PRKN: variants seen among roughly 807,000 people sequenced by gnomAD.
PRKN encodes parkin RBR E3 ubiquitin protein ligase.
In PRKN, 56 loss-of-function variants were observed where a neutral mutation model predicts 59.5. The ratio of observed to expected loss-of-function variants is 0.94; its 90% CI spans 0.76 to 1.18. The LOEUF is 1.18. PRKN is among the 50% of genes most tolerant of loss of function. The pLI is 0.00. For synonymous variants in PRKN, 250 were observed against 222.1 expected (o/e 1.13, Z -1.12); for missense variants, 657 against 596.4 (o/e 1.10, Z -1.06).
At chr6:161,679,675 C>CA (rs1785230770) in intron 7 of PRKN, among the ~76,000 whole-genome samples, 1 of 24,284 alleles carries the variant, frequency 4.1e-5, no homozygotes. Context: ...AATAGAACCA[C>CA]CCCCCCCCCT....
At chr6:162,236,552 G>A (rs371624996) in intron 3 of PRKN, among the ~76,000 whole-genome samples, 12 of 152,042 alleles carry the variant, frequency 7.9e-5, no homozygotes, top group African/African-American at 2.2e-4. Context: ...TTGGGAGGCC[G>A]AGATGGGCCG....
intron 6 of PRKN, among the ~76,000 whole-genome samples, chr6:161,912,420 C>G (rs561569881): frequency 1.2e-4 from 18 of 151,854 alleles, no homozygotes; most frequent in African/African-American, 3.4e-4. Context: ...TGTACCCCCC[C>G]ACCCTCGTGA....
At chr6:161,614,827 T>C (rs1436781637) in intron 7 of PRKN, among the ~76,000 whole-genome samples, 1 of 152,218 alleles carries the variant, frequency 6.6e-6, no homozygotes, top group Non-Finnish European at 1.5e-5. Context: ...TTAATCAATC[T>C]TGAAATGTCA....
At chr6:162,295,780 G>C (rs975949073) in intron 2 of PRKN, among the ~76,000 whole-genome samples, 1 of 152,110 alleles carries the variant, frequency 6.6e-6, no homozygotes, top group Non-Finnish European at 1.5e-5. Flanking sequence ...GCTTGCCCTT[G>C]GAGTTTATTT....
intron 3 of PRKN, among the ~76,000 whole-genome samples, chr6:162,231,461 C>T (rs559713891): frequency 1.4e-4 from 22 of 152,166 alleles, no homozygotes; most frequent in African/African-American, 4.6e-4. Flanking sequence ...TCCCTAACTC[C>T]CCAAAATCTC....
chr6:162,427,344 T>G (rs1789285033), intron 2 of PRKN, among the ~76,000 whole-genome samples: 1 of 152,198 alleles, frequency 6.6e-6, no homozygotes. Context: ...GTCTTATACC[T>G]GTGCACAAGA....
chr6:162,526,418 G>A (rs114226160), intron 1 of PRKN, among the ~76,000 whole-genome samples: 2,654 of 151,640 alleles, frequency 0.018, 95 homozygotes, highest in African/African-American at 0.061. Flanking sequence ...TTGGGAGGCC[G>A]AGGCGGGCAG....
chr6:162,292,066 C>T (rs1304582694), intron 2 of PRKN, among the ~76,000 whole-genome samples: 1 of 151,376 alleles, frequency 6.6e-6, no homozygotes, highest in African/African-American at 2.4e-5. Context: ...CACATTCAAG[C>T]GATTCTCCTG....
chr6:161,604,279 A>G (rs1205885204), intron 7 of PRKN, among the ~76,000 whole-genome samples: 1 of 152,224 alleles, frequency 6.6e-6, no homozygotes, highest in East Asian at 1.9e-4. Context: ...AGCACCTTCA[A>G]AACACAGAGA....
intron 2 of PRKN, among the ~76,000 whole-genome samples, chr6:162,274,267 A>C (rs746647385): frequency 6.6e-6 from 1 of 151,962 alleles, no homozygotes; most frequent in Non-Finnish European, 1.5e-5. Context: ...GGCTCATTGC[A>C]GTCTCGGCTT....
rs545719360 is a variant in PRKN, at chr6:162,672,737, T to C, written c.7+54925A>G. 3.3e-5 allele frequency among the ~76,000 whole-genome samples: 5 copies of C among 151,858 alleles called. No individual in the cohort carries two copies. The South Asian group carries it at 8.3e-4, about 25-fold the overall frequency. On this transcript the variant is annotated intron_variant, in intron 1 of 11. Coordinates refer to ENST00000366898, the MANE Select transcript of PRKN (RefSeq NM_004562.3). Reference sequence around the variant, plus strand: ...GTGTGTGTATGCATGTGTATAGATATACAGACACACATGAATAATCATGTG... The same window carrying C: ...GTGTGTGTATGCATGTGTATAGATACACAGACACACATGAATAATCATGTG...
intron 4 of PRKN, among the ~76,000 whole-genome samples, chr6:162,127,577 G>A (rs1014845141): frequency 4.6e-5 from 7 of 152,066 alleles, no homozygotes; most frequent in South Asian, 2.1e-4. Flanking sequence ...AAAGAGTTGC[G>A]GTGAAAAAAC....
Position 161,545,400 on chromosome 6 carries a change from C to G in PRKN, c.1083+3454G>C, listed in dbSNP as rs1296195606. 1 of 1,612,444 alleles carries G rather than the reference C, an allele frequency of 6.2e-7. No homozygotes were observed. Among genetic ancestry groups the G allele is most frequent in the East Asian group, 2.2e-5 (1 of 44,874 alleles). On this transcript the variant is annotated intron_variant, in intron 9 of 11. Coordinates refer to ENST00000366898, the MANE Select transcript of PRKN (RefSeq NM_004562.3). The surrounding 1 kb of genome is among the most constrained non-coding windows in gnomAD (Gnocchi z 4.1). ...GATGTATTGAATGAGGCACTCACTTCTCCCTGAGGCAGCTTATTTTGTTCT... is the reference window on the plus strand; with the variant it reads ...GATGTATTGAATGAGGCACTCACTTGTCCCTGAGGCAGCTTATTTTGTTCT...
In PRKN at chr6:161,546,029, G is replaced by A. The variant is rs760262512; in HGVS notation, c.1083+2825C>T. On this transcript the variant is annotated intron_variant, in intron 9 of 11. Coordinates refer to ENST00000366898, the MANE Select transcript of PRKN (RefSeq NM_004562.3). The surrounding 1 kb of genome is among the most constrained non-coding windows in gnomAD (Gnocchi z 4.4). The stretch of plus-strand genomic sequence containing the variant: ...AGGTCTAGGTGCCCAGTTTCCTGCC[G>A]TAGATCTGACTACATCCTGGATTCT... Among the ~76,000 whole-genome samples, 63 of 152,150 alleles carry A rather than the reference G, an allele frequency of 4.1e-4. No homozygotes were observed. Among genetic ancestry groups the A allele is most frequent in the African/African-American group, 4.3e-4 (18 of 41,422 alleles).
intron 5 of PRKN, among the ~76,000 whole-genome samples, chr6:162,020,153 C>T (rs528466258): frequency 9.2e-5 from 14 of 151,944 alleles, no homozygotes; most frequent in Middle Eastern, 3.4e-3. Context: ...ACTCTTCCTG[C>T]GGAGAACAAC....
At chr6:161,718,947 C>A (rs1787104930) in intron 7 of PRKN, among the ~76,000 whole-genome samples, 2 of 152,186 alleles carry the variant, frequency 1.3e-5, no homozygotes, top group South Asian at 4.1e-4. Context: ...TCTCATGGAG[C>A]AGGCTAATTA....
chr6:161,939,951 T>G (rs1192148256), intron 6 of PRKN, among the ~76,000 whole-genome samples: 1 of 151,680 alleles, frequency 6.6e-6, no homozygotes, highest in Non-Finnish European at 1.5e-5. Context: ...CAGGCTGGAG[T>G]GCGATGGCGC....
intron 1 of PRKN, among the ~76,000 whole-genome samples, chr6:162,516,384 T>G (rs1391221668): frequency 6.6e-6 from 1 of 152,190 alleles, no homozygotes; most frequent in Admixed American, 6.5e-5. Flanking sequence ...CCACTTCCAC[T>G]GGACAGAACA....
intron 10 of PRKN, among the ~76,000 whole-genome samples, chr6:161,382,787 T>G (rs1415500725): frequency 6.6e-6 from 1 of 152,214 alleles, no homozygotes; most frequent in Non-Finnish European, 1.5e-5. Context: ...CTTTAAAGAA[T>G]TATTGCATTA....
Sources: allele counts gnomAD v4.1 joint callset (sites outside exome capture counted in the v4.1 genomes callset), GRCh38; gene constraint gnomAD v4.1.1; non-coding constraint Gnocchi (gnomAD v3.1); transcripts MANE v1.5; gene names NCBI Gene and HGNC (gene_info 2026-07-23, HGNC 2026-07-21).